The following DEF8 variants were observed in gnomAD, a reference collection of about 807,000 sequenced individuals.
DEF8 encodes differentially expressed in FDCP 8 homolog.
DEF8 carries 38 observed loss-of-function variants against 59.1 expected under a neutral mutation model. The observed-to-expected ratio is 0.64, with a 90% CI of 0.50 to 0.84. The LOEUF (loss-of-function observed/expected upper bound fraction) is 0.84. Ranked by LOEUF, DEF8 falls within the 40% of genes least tolerant of loss-of-function variation. DEF8 has a pLI of 0.00. For synonymous variants in DEF8, 265 were observed against 250.1 expected (o/e 1.06, Z -0.56); for missense variants, 557 against 615.2 (o/e 0.91, Z 1.00).
chr16:89,963,648 C>A (rs1319149875), intron 10 of DEF8: 7 of 572,914 alleles, frequency 1.2e-5, no homozygotes, highest in Non-Finnish European at 2.2e-5. Flanking sequence ...ACCCTGCAGC[C>A]CTTATGTGAA....
chr16:89,964,179 C>T lies in DEF8; in HGVS notation c.1012C>T (p.Arg338Trp), dbSNP rs1184827917. 4.3e-6 allele frequency: 7 copies of T among 1,613,754 alleles called. No individual in the cohort carries two copies. The highest frequency in any genetic ancestry group is 3.3e-5 in the Admixed American group (2 of 60,002). ...EARLLLQLQD[R>W]QHFVENDEMY... is the part of the protein sequence containing the mutation. The stretch of plus-strand genomic sequence containing the variant: ...TGCTGGGACTTGGCAGCTCCAGGAT[C>T]GGCAGCATTTTGTGGAGAACGACGA... The change falls in exon 11 of 13, where the codon CGG becomes TGG. Residue 338 changes from arginine to tryptophan, a missense_variant. Physicochemically the swap from Arg to Trp is moderately radical, Grantham distance 101. Transcript: ENST00000563594.
chr16:89,965,287 C>T (rs764137689), intron 12 of DEF8, among the ~76,000 whole-genome samples: 7 of 152,136 alleles, frequency 4.6e-5, no homozygotes, highest in Non-Finnish European at 8.8e-5. Flanking sequence ...ACACTCCCCC[C>T]CAGTTTCTGT....
At chr16:89,953,566 C>T (rs892955428) in intron 2 of DEF8, among the ~76,000 whole-genome samples, 5 of 152,214 alleles carry the variant, frequency 3.3e-5, no homozygotes, top group African/African-American at 1.2e-4. Context: ...GGATCAGAAC[C>T]CAGGCCAGAG....
chr16:89,957,535 C>A lies in DEF8; in HGVS notation c.247C>A (p.Gln83Lys), dbSNP rs917611342. 1.2e-5 allele frequency: 19 copies of A among 1,592,446 alleles called. No homozygotes were observed. Among genetic ancestry groups the A allele is most frequent in the Non-Finnish European group, 1.6e-5 (19 of 1,169,852 alleles). The stretch of plus-strand genomic sequence containing the variant: ...GGGTCTGTTCCTGGCCTCTGACGTC[C>A]AGCAGCTGCGGCAGGCGATCGAGGA... ...PVGLFLASDV[Q>K]QLRQAIEECK... The change falls in exon 5 of 13, where the codon CAG becomes AAG. Residue 83 changes from glutamine to lysine, a missense_variant. Transcript: ENST00000563594.
chr16:89,967,198 C>T lies in DEF8; in HGVS notation c.*1235C>T, dbSNP rs1235016518. ...TGCTCCTGTCTGTCCTTTTCCCCCA[C>T]ACCCTGGACTGTGCTTGGCTGTTGG... is the stretch of plus-strand genomic sequence containing the variant. On this transcript the variant is annotated 3_prime_UTR_variant, in exon 13 of 13. Transcript: ENST00000563594. 3 of 398,244 alleles carry T rather than the reference C, an allele frequency of 7.5e-6. No homozygotes were observed. Among genetic ancestry groups the T allele is most frequent in the Non-Finnish European group, 1.3e-5 (3 of 226,156 alleles). 24.7% of individuals were successfully genotyped at this position (398,244 alleles called of 1,614,324 possible).
intron 2 of DEF8, among the ~76,000 whole-genome samples, chr16:89,949,806 T>G (rs2031647126): frequency 6.6e-6 from 1 of 152,194 alleles, no homozygotes; most frequent in African/African-American, 2.4e-5. Flanking sequence ...TTGCTTTCAC[T>G]CTTCCACTTC....
chr16:89,949,586 G>A (rs755598847), intron 2 of DEF8, 73 bp downstream of exon 2: 2 of 1,613,296 alleles, frequency 1.2e-6, no homozygotes, highest in Admixed American at 1.7e-5. Flanking sequence ...GGCAGCTGCA[G>A]TGATGACACC....
chr16:89,948,865 G>GGGA lies in DEF8; in HGVS notation c.-108+53_-108+54insAGG, dbSNP rs1567776377. The GGGA allele has an allele frequency of 1.0e-5, 6 of 599,674 alleles. No individual in the cohort carries two copies. In the African/African-American group the frequency reaches 2.6e-4, roughly 26 times the overall value. 37.1% of individuals were successfully genotyped at this position (599,674 alleles called of 1,614,324 possible). ...CGGGGCCGGCGGGGACGGGGCCGGCGGGGACGGGGCCGGCGGGGACGGGGT... is the reference window on the plus strand; with the variant it reads ...CGGGGCCGGCGGGGACGGGGCCGGCGGGAGGGACGGGGCCGGCGGGGACGGGGT... On this transcript the variant is annotated intron_variant, in intron 1 of 12. Coordinates refer to ENST00000563594, the MANE Select transcript of DEF8 (RefSeq NM_001242818.2).
At chr16:89,955,541 CT>C (rs1368172644) in intron 4 of DEF8, among the ~76,000 whole-genome samples, 2 of 152,194 alleles carry the variant, frequency 1.3e-5, no homozygotes, top group African/African-American at 2.4e-5. Flanking sequence ...CCTGGGGCTG[CT>C]TCTGTCCCCT....
chr16:89,963,308 G>A (rs2034268850), intron 9 of DEF8, 55 bp from the exon 10 acceptor site: 2 of 1,532,890 alleles, frequency 1.3e-6, no homozygotes, highest in East Asian at 2.3e-5. Context: ...GGCCCACACA[G>A]GGGCCGCCCT....
rs1434976111 is a variant in DEF8 at position 89,954,956 on chromosome 16, T to G, written c.125-213T>G. On this transcript the variant is annotated intron_variant, in intron 3 of 12. Coordinates refer to ENST00000563594, the MANE Select transcript of DEF8 (RefSeq NM_001242818.2). The surrounding 1 kb of genome is among the most constrained non-coding windows in gnomAD (Gnocchi z 4.3). Reference sequence around the variant, plus strand: ...TGTCATTCCACCTCCTCATTTTGAGTGGCTCTTTCCTGTCTACACAAGGCT... The same window carrying G: ...TGTCATTCCACCTCCTCATTTTGAGGGGCTCTTTCCTGTCTACACAAGGCT... 6.6e-6 allele frequency among the ~76,000 whole-genome samples: 1 copy of G among 152,094 alleles called. No homozygotes were observed. The highest frequency in any genetic ancestry group is 2.4e-5 in the African/African-American group (1 of 41,406).
At chr16:89,950,225 G>C in intron 2 of DEF8, 2 of 986,022 alleles carry the variant, frequency 2.0e-6, no homozygotes, top group East Asian at 1.1e-4. Context: ...TCCTGGGCTG[G>C]TCACCATATG....
Position 89,955,755 on chromosome 16 carries a change from G to A in DEF8, c.222+489G>A, listed in dbSNP as rs148833525. On this transcript the variant is annotated intron_variant, in intron 4 of 12. Coordinates refer to ENST00000563594, the MANE Select transcript of DEF8 (RefSeq NM_001242818.2). ...GGAAGCCTTGTGTTGAAGAAGAAAA[G>A]GGGGAGGATATAATGATTTTTTTAA... Among the ~76,000 whole-genome samples the A allele has an allele frequency of 5.8e-3, 881 of 152,318 alleles. 22 individuals are homozygous for A. Among genetic ancestry groups the A allele is most frequent in the Non-Finnish European group, 1.8e-3 (120 of 68,026 alleles).
chr16:89,959,601 TCTC>T (rs2033751102), intron 6 of DEF8, among the ~76,000 whole-genome samples: 1 of 152,232 alleles, frequency 6.6e-6, no homozygotes, highest in African/African-American at 2.4e-5. Flanking sequence ...TTCACACCGT[TCTC>T]CTGCCTCAGC....
At chr16:89,965,192 C>T (rs1289739342) in intron 12 of DEF8, among the ~76,000 whole-genome samples, 1 of 152,130 alleles carries the variant, frequency 6.6e-6, no homozygotes, top group South Asian at 2.1e-4. Context: ...ATTTTAATTT[C>T]ATTCTTCAGT....
intron 2 of DEF8, among the ~76,000 whole-genome samples, chr16:89,951,881 A>ATT (rs111421479): frequency 1.4e-5 from 2 of 146,768 alleles, no homozygotes; most frequent in Non-Finnish European, 3.0e-5. Flanking sequence ...TGTAAAAAAG[A>ATT]TTTTTTTTTT....
Position 89,954,249 on chromosome 16 carries a change from T to G in DEF8, c.-4T>G. On this transcript the variant is annotated 5_prime_UTR_variant, in exon 3 of 13. An upstream start codon of the reference 5' UTR is lost. Transcript: ENST00000563594. This position sits in a 1 kb window ranked among gnomAD's most constrained non-coding sequence, Gnocchi z 4.3. ...GGCCCTGCCTGGCCCTCAGGTGGGA[T>G]GCTATGGAATATGATGAGAAGCTGG... The G allele has an allele frequency of 6.2e-7, 1 of 1,612,126 alleles. No individual in the cohort carries two copies. The highest frequency in any genetic ancestry group is 8.5e-7 in the Non-Finnish European group (1 of 1,179,824).
intron 1 of DEF8, 31 bp downstream of exon 1, chr16:89,948,845 C>T (rs186803929): frequency 0.045 from 37,117 of 829,376 alleles, 1,120 homozygotes; most frequent in Non-Finnish European, 0.049. Context: ...GGGGTCGGGG[C>T]CGGCGGGGAC....
At chr16:89,962,699 A>G (rs984708839) in intron 9 of DEF8, among the ~76,000 whole-genome samples, 1 of 152,268 alleles carries the variant, frequency 6.6e-6, no homozygotes, top group African/African-American at 2.4e-5. Flanking sequence ...TGTTAATAGT[A>G]TATTTTATTT....
Sources: gnomAD v4.1 joint callset for allele counts (sites outside exome capture counted in the v4.1 genomes callset) on GRCh38, gnomAD v4.1.1 for gene constraint, Gnocchi (gnomAD v3.1) non-coding constraint, MANE v1.5 for transcripts, NCBI Gene and HGNC (gene_info 2026-07-23, HGNC 2026-07-21) for gene names.